The following TPTE2 variants were observed in gnomAD, a reference collection of about 807,000 sequenced individuals.
TPTE2 encodes phosphatidylinositol 3,4,5-trisphosphate 3-phosphatase TPTE2.
TPTE2 carries 53 observed loss-of-function variants against 78.6 expected under a neutral mutation model. That is an observed-to-expected ratio of 0.67 (90% CI 0.54 to 0.85). The LOEUF is 0.85. TPTE2 is among the 40% of genes least tolerant of loss of function. The pLI, the probability that TPTE2 is intolerant of heterozygous loss-of-function variation, is 0.00. For missense variants in TPTE2, 461 were observed against 623.0 expected (o/e 0.74, Z 2.77); for synonymous variants, 175 against 206.2 (o/e 0.85, Z 1.30).
the TPTE2 span, among the ~76,000 whole-genome samples, chr13:19,549,425 G>A: frequency 1.1e-4 from 17 of 152,264 alleles, 1 homozygote; most frequent in Admixed American, 2.6e-4. Context: ...TGAATCATCC[G>A]GGAAATGCAA....
At chr13:19,497,255 G>C (rs1458445750) in intron 1 of TPTE2, among the ~76,000 whole-genome samples, 2 of 143,918 alleles carry the variant, frequency 1.4e-5, no homozygotes, top group Non-Finnish European at 3.1e-5. Flanking sequence ...GCTTGATTAG[G>C]TAAACAAAGC....
intron 4 of TPTE2, among the ~76,000 whole-genome samples, chr13:19,477,562 G>T (rs1280011288): frequency 6.6e-6 from 1 of 152,132 alleles, no homozygotes; most frequent in East Asian, 1.9e-4. Flanking sequence ...AAGTTGCCAT[G>T]CCCTTACTAC....
chr13:19,517,193 A>T (rs2451090), intron 1 of TPTE2, among the ~76,000 whole-genome samples: 1 of 152,220 alleles, frequency 6.6e-6, no homozygotes. Flanking sequence ...GAATAACACA[A>T]GTCTGAGGTT....
chr13:19,507,021 A>G (rs1323658755), upstream of TPTE2, among the ~76,000 whole-genome samples: 2 of 152,206 alleles, frequency 1.3e-5, no homozygotes, highest in Non-Finnish European at 2.9e-5. Flanking sequence ...TGAAACTACC[A>G]GTACTTTAGA....
chr13:19,550,517 A>G, the TPTE2 span, among the ~76,000 whole-genome samples: 3 of 152,328 alleles, frequency 2.0e-5, no homozygotes, highest in African/African-American at 7.2e-5. Context: ...AGTTACAGAA[A>G]CAAACTCCCT....
intron 17 of TPTE2, among the ~76,000 whole-genome samples, chr13:19,428,181 G>A (rs560760268): frequency 1.3e-5 from 2 of 152,338 alleles, no homozygotes; most frequent in Admixed American, 1.3e-4. Flanking sequence ...AGGTGCGGTG[G>A]CTCAAGCCTG....
the TPTE2 span, among the ~76,000 whole-genome samples, chr13:19,548,225 TTTGAA>T: frequency 6.6e-6 from 1 of 152,230 alleles, no homozygotes; most frequent in African/African-American, 2.4e-5. Context: ...TCATTTTCAC[TTTGAA>T]TTGTTGTTTC....
intron 7 of TPTE2, among the ~76,000 whole-genome samples, chr13:19,466,657 A>G (rs999007026): frequency 2.6e-5 from 4 of 152,180 alleles, no homozygotes; most frequent in Admixed American, 6.5e-5. Context: ...GTGTTGCTAC[A>G]TGTGTCATCT....
At chr13:19,473,362 A>T (rs936295596) in intron 6 of TPTE2, among the ~76,000 whole-genome samples, 23 of 152,262 alleles carry the variant, frequency 1.5e-4, no homozygotes, top group Middle Eastern at 3.4e-3. Context: ...TAGATCAAAA[A>T]CTTTAAAAGT....
intron 1 of TPTE2, among the ~76,000 whole-genome samples, chr13:19,512,870 C>A (rs937406927): frequency 1.3e-5 from 2 of 152,158 alleles, no homozygotes; most frequent in African/African-American, 4.8e-5. Flanking sequence ...AGCCACCATG[C>A]CCAGCCAGAA....
At chr13:19,506,363 C>T (rs1209536655), upstream of TPTE2, among the ~76,000 whole-genome samples, 9 of 149,966 alleles carry the variant, frequency 6.0e-5, no homozygotes, top group South Asian at 6.4e-4. Context: ...TTAGTAGAGA[C>T]GGGGTTTCAC....
intron 5 of TPTE2, 93 bp downstream of exon 8, chr13:19,475,480 C>T: frequency 4.9e-6 from 7 of 1,419,610 alleles, no homozygotes; most frequent in African/African-American, 2.9e-5. Flanking sequence ...CCCGCCTCAG[C>T]CCCCCAGAGT....
chr13:19,458,772 G>A (rs1421466210), intron 10 of TPTE2: 3 of 394,452 alleles, frequency 7.6e-6, no homozygotes, highest in African/African-American at 4.1e-5. Context: ...TCAGAAGCCA[G>A]ACATCCCACT....
At chr13:19,532,264 G>A (rs1271824643) in intron 1 of TPTE2, among the ~76,000 whole-genome samples, 2 of 152,078 alleles carry the variant, frequency 1.3e-5, no homozygotes, top group Non-Finnish European at 2.9e-5. Flanking sequence ...CCAAAACTTA[G>A]GTCTTGCTAA....
chr13:19,554,172 G>A, the TPTE2 span, among the ~76,000 whole-genome samples: 23 of 151,710 alleles, frequency 1.5e-4, no homozygotes, highest in Middle Eastern at 6.9e-3. Flanking sequence ...TGAGGAGATC[G>A]AGACCATCCT....
exon 12 of TPTE2, chr13:19,450,327 G>C (rs1363472409): frequency 1.2e-6 from 2 of 1,610,710 alleles, no homozygotes; most frequent in African/African-American, 2.7e-5. Context: ...AAGTGCTTAG[G>C]ATCATAAGCT....
At chr13:19,523,699 C>T (rs921776531) in intron 1 of TPTE2, among the ~76,000 whole-genome samples, 2 of 152,172 alleles carry the variant, frequency 1.3e-5, no homozygotes, top group Non-Finnish European at 2.9e-5. Context: ...TGGTCTCAAA[C>T]TCCTGACCTC....
At chr13:19,483,611 T>C (rs1880486337) in intron 3 of TPTE2, among the ~76,000 whole-genome samples, 2 of 152,172 alleles carry the variant, frequency 1.3e-5, no homozygotes, top group Admixed American at 6.5e-5. Flanking sequence ...CCTTTTGTAA[T>C]TTTTGCCTCA....
At chr13:19,508,519 G>A (rs150806205) in intron 1 of TPTE2, among the ~76,000 whole-genome samples, 2,430 of 152,154 alleles carry the variant, frequency 0.016, 32 homozygotes, top group Middle Eastern at 0.044. Context: ...AAGTATGACT[G>A]TCAAAAAATA....
Sources: allele counts gnomAD v4.1 joint callset (sites outside exome capture counted in the v4.1 genomes callset), GRCh38; gene constraint gnomAD v4.1.1; transcripts MANE v1.5; gene names NCBI Gene and HGNC (gene_info 2026-07-23, HGNC 2026-07-21).